The following TFCP2 variants were observed in gnomAD, a reference collection of about 807,000 sequenced individuals.
TFCP2 encodes transcription factor CP2.
Under a neutral mutation model 73.4 loss-of-function variants are expected in TFCP2, and 33 were observed. That is an observed-to-expected ratio of 0.45 (90% CI 0.34 to 0.60). The LOEUF is 0.60. TFCP2 is among the 20% of genes least tolerant of loss of function. TFCP2 has a pLI of 0.01. For missense variants in TFCP2, 352 were observed against 604.0 expected (o/e 0.58, Z 4.37); for synonymous variants, 193 against 211.6 (o/e 0.91, Z 0.76).
intron 1 of TFCP2, among the ~76,000 whole-genome samples, chr12:51,149,210 G>C (rs1941368516): frequency 6.6e-6 from 1 of 151,954 alleles, no homozygotes; most frequent in South Asian, 2.1e-4. Flanking sequence ...TCATAAGTGG[G>C]AGCTAAGCTA....
chr12:51,152,370 T>A (rs963614498), intron 1 of TFCP2, among the ~76,000 whole-genome samples: 1 of 152,156 alleles, frequency 6.6e-6, no homozygotes, highest in Non-Finnish European at 1.5e-5. Context: ...TGTTCCAGAT[T>A]AAAGGAGATG....
chr12:51,106,793 T>C, intron 7 of TFCP2, 180 bp from the exon 8 acceptor site: 1 of 587,114 alleles, frequency 1.7e-6, no homozygotes, highest in Non-Finnish European at 3.0e-6. Flanking sequence ...GGAGGCCTGC[T>C]GAGAATAGGA....
intron 1 of TFCP2, among the ~76,000 whole-genome samples, chr12:51,140,796 CTGT>C (rs1941175397): frequency 6.6e-6 from 1 of 151,746 alleles, no homozygotes; most frequent in Non-Finnish European, 1.5e-5. Context: ...TGGCTCATAC[CTGT>C]AATCGCAGCA....
chr12:51,107,040 C>T, intron 7 of TFCP2, 196 bp downstream of exon 7: 1 of 614,342 alleles, frequency 1.6e-6, no homozygotes, highest in African/African-American at 1.9e-5. Flanking sequence ...GGAAAGATAA[C>T]TTGGACACAG....
intron 11 of TFCP2, among the ~76,000 whole-genome samples, chr12:51,101,041 C>T (rs1592787975): frequency 2.0e-5 from 3 of 152,182 alleles, no homozygotes; most frequent in African/African-American, 7.2e-5. Context: ...CGGTGGCTCA[C>T]GCCTGTAATC....
In TFCP2 at chr12:51,159,015, A is replaced by C. The variant is rs1242167552; in HGVS notation, c.122+13286T>G. Among the ~76,000 whole-genome samples, 8 of 147,508 alleles carry C rather than the reference A, an allele frequency of 5.4e-5. 1 individual carries two copies. Among genetic ancestry groups the C allele is most frequent in the African/African-American group, 1.7e-4 (7 of 40,356 alleles). ...TCTCTCTACTAAAAATCCAAAAAAA[A>C]AAAAAAAAAAAAAATTAGCCAGGCG... is the stretch of plus-strand genomic sequence containing the variant. On this transcript the variant is annotated intron_variant, in intron 1 of 14. Transcript: ENST00000257915.
intron 1 of TFCP2, among the ~76,000 whole-genome samples, chr12:51,147,755 A>G (rs1437434490): frequency 6.6e-6 from 1 of 152,208 alleles, no homozygotes; most frequent in Non-Finnish European, 1.5e-5. Context: ...ATGACCAAGA[A>G]CCCAAAAGTA....
chr12:51,115,637 G>T (rs1308278375), intron 4 of TFCP2, among the ~76,000 whole-genome samples: 1 of 152,146 alleles, frequency 6.6e-6, no homozygotes, highest in Non-Finnish European at 1.5e-5. Flanking sequence ...GCCAGGAAAT[G>T]GAATCAAATT....
At chr12:51,156,023 T>TA (rs1941528982) in intron 1 of TFCP2, among the ~76,000 whole-genome samples, 1 of 149,032 alleles carries the variant, frequency 6.7e-6, no homozygotes, top group Non-Finnish European at 1.5e-5. Flanking sequence ...GCCTCAGTGA[T>TA]AGAGTGAGAC....
Position 51,095,291 on chromosome 12 carries a change from AG to A in TFCP2, c.1472-14del. 6.2e-7 allele frequency: 1 copy of A among 1,602,540 alleles called. No individual in the cohort carries two copies. On this transcript the variant is annotated splice_polypyrimidine_tract_variant and intron_variant, in intron 14 of 14. Coordinates refer to ENST00000257915, the MANE Select transcript of TFCP2 (RefSeq NM_005653.5). ...TCATTGGTTTCTGCTGTTAAAAAAA[AG>A]AGAGAGAGAGAATCATCTTTAGTCA...
chr12:51,159,583 G>A (rs373136380), intron 1 of TFCP2, among the ~76,000 whole-genome samples: 8 of 152,080 alleles, frequency 5.3e-5, no homozygotes, highest in East Asian at 1.9e-4. Context: ...CTCCCAAAGC[G>A]CTGGGATTGC....
intron 8 of TFCP2, among the ~76,000 whole-genome samples, chr12:51,105,166 T>C (rs1203933985): frequency 1.3e-5 from 2 of 151,624 alleles, no homozygotes; most frequent in South Asian, 2.1e-4. Flanking sequence ...TGATGTCAGC[T>C]CACTGCAACC....
At chr12:51,146,196 T>C (rs1445601679) in intron 1 of TFCP2, among the ~76,000 whole-genome samples, 2 of 151,888 alleles carry the variant, frequency 1.3e-5, no homozygotes, top group Non-Finnish European at 2.9e-5. Context: ...TTGTCTCAGC[T>C]ACTCGGGAGG....
chr12:51,156,626 G>T (rs559252043), intron 1 of TFCP2, among the ~76,000 whole-genome samples: 1 of 147,598 alleles, frequency 6.8e-6, no homozygotes, highest in African/African-American at 2.4e-5. Context: ...GTCTGAGATG[G>T]ATTGGTGTTA....
At chr12:51,115,085 A>C (rs1940495794) in intron 4 of TFCP2, among the ~76,000 whole-genome samples, 1 of 149,070 alleles carries the variant, frequency 6.7e-6, no homozygotes, top group African/African-American at 2.4e-5. Flanking sequence ...AAAGGAAAGC[A>C]ACAAGTGTTG....
At chr12:51,150,362 G>T (rs1174490243) in intron 1 of TFCP2, among the ~76,000 whole-genome samples, 1 of 152,058 alleles carries the variant, frequency 6.6e-6, no homozygotes, top group Non-Finnish European at 1.5e-5. Flanking sequence ...AGGTTGCAGT[G>T]AGCCGAGATT....
chr12:51,151,203 A>AAG (rs1213563585), intron 1 of TFCP2, among the ~76,000 whole-genome samples: 1 of 152,188 alleles, frequency 6.6e-6, no homozygotes, highest in African/African-American at 2.4e-5. Flanking sequence ...AAGCCAGGGG[A>AAG]AGAGTATATT....
At position 51,099,796 on chromosome 12, in the gene TFCP2, G is replaced by A. The variant is rs373367833; in HGVS notation, c.1152-17C>T. The A allele has an allele frequency of 4.6e-5, 74 of 1,611,784 alleles. No individual in the cohort carries two copies. In the African/African-American group the frequency reaches 8.8e-4, roughly 19 times the overall value. On this transcript the variant is annotated splice_polypyrimidine_tract_variant and intron_variant, in intron 11 of 14. Coordinates refer to ENST00000257915, the MANE Select transcript of TFCP2 (RefSeq NM_005653.5). The stretch of plus-strand genomic sequence containing the variant: ...CGCACCATCCTAAGGGGAGGAAAAA[G>A]GCTAATTAGTCTTACATTCTTTATG...
intron 1 of TFCP2, among the ~76,000 whole-genome samples, chr12:51,122,139 G>A (rs189974715): frequency 6.6e-6 from 1 of 151,848 alleles, no homozygotes; most frequent in Admixed American, 6.6e-5. Context: ...CAGAGGGGTG[G>A]AAGAGAAGAA....
Sources: allele counts gnomAD v4.1 joint callset (sites outside exome capture counted in the v4.1 genomes callset), GRCh38; gene constraint gnomAD v4.1.1; transcripts MANE v1.5; gene names NCBI Gene and HGNC (gene_info 2026-07-23, HGNC 2026-07-21).